The following PGGT1B variants were observed in gnomAD, a reference collection of about 807,000 sequenced individuals.
The protein encoded by PGGT1B is protein geranylgeranyltransferase type I subunit beta.
In PGGT1B, 30 loss-of-function variants were observed where a neutral mutation model predicts 46.1. That is an observed-to-expected ratio of 0.65 (90% CI 0.49 to 0.88). The LOEUF (loss-of-function observed/expected upper bound fraction) is 0.88, where lower values mean the gene tolerates loss of function less well. Among genes scored for constraint, PGGT1B ranks in the 40% least tolerant of loss-of-function variants. The pLI is 0.00. For missense variants in PGGT1B, 376 were observed against 455.9 expected (o/e 0.82, Z 1.60); for synonymous variants, 170 against 160.0 (o/e 1.06, Z -0.47).
intron 6 of PGGT1B, among the ~76,000 whole-genome samples, chr5:115,227,323 T>C (rs192227339): frequency 3.3e-5 from 5 of 152,332 alleles, no homozygotes; most frequent in Admixed American, 6.5e-5. Context: ...CTTCCCTGTA[T>C]GGTCAAAAGT....
rs543153690 is a variant in PGGT1B at position 115,262,817 on chromosome 5, C to T, written c.35G>A (p.Ser12Asn). The change falls in exon 1 of 9, where the codon AGC becomes AAC. Residue 12 changes from serine to asparagine, a missense_variant. Transcript: ENST00000419445. The stretch of plus-strand genomic sequence containing the variant: ...GAAATCCAGCCGCTCTCCCTCACCG[C>T]TCCCTGCTAGCCTCTCATCCTCAGT... ...AATEDERLAGSGEGERLDFLR... is the reference protein window; with the variant it reads ...AATEDERLAGNGEGERLDFLR... 2.5e-6 allele frequency: 4 copies of T among 1,612,674 alleles called. No homozygotes were observed. Among genetic ancestry groups the T allele is most frequent in the African/African-American group, 1.3e-5 (1 of 74,994 alleles).
chr5:115,246,946 T>C (rs1052991926), intron 2 of PGGT1B, among the ~76,000 whole-genome samples: 1 of 152,162 alleles, frequency 6.6e-6, no homozygotes, highest in African/African-American at 2.4e-5. Context: ...AATGGGAGTA[T>C]GTACATGGAT....
chr5:115,254,572 G>A (rs916248870), intron 1 of PGGT1B, among the ~76,000 whole-genome samples: 1 of 150,750 alleles, frequency 6.6e-6, no homozygotes, highest in African/African-American at 2.4e-5. Flanking sequence ...ACCAACTTTA[G>A]GAGAGATGAG....
rs899830970 is a variant in PGGT1B, at chr5:115,237,925, C to A, written c.412G>T (p.Asp138Tyr). Residue 138 changes from aspartate to tyrosine, a missense_variant, in exon 4 of 9, where the codon GAC (aspartate) becomes TAC (tyrosine). Coordinates refer to ENST00000419445, the MANE Select transcript of PGGT1B (RefSeq NM_005023.4). ...GLSCLVILGD[D>Y]LSRVNKEACL... ...GCTTCTTTATTTACTCGGCTTAAGTCGTCTCCAAGAATAACTAAGCATGAG... is the reference window on the plus strand; with the variant it reads ...GCTTCTTTATTTACTCGGCTTAAGTAGTCTCCAAGAATAACTAAGCATGAG... The A allele has an allele frequency of 6.2e-7, 1 of 1,612,188 alleles. No individual in the cohort carries two copies. Among genetic ancestry groups the A allele is most frequent in the Admixed American group, 1.7e-5 (1 of 59,986 alleles).
intron 1 of PGGT1B, among the ~76,000 whole-genome samples, chr5:115,257,885 A>G (rs1454396274): frequency 1.3e-5 from 2 of 152,260 alleles, no homozygotes; most frequent in East Asian, 3.8e-4. Flanking sequence ...ATGATACATT[A>G]GACTTAATCA....
intron 1 of PGGT1B, 153 bp downstream of exon 1, chr5:115,262,559 T>G (rs975316610): frequency 3.9e-6 from 3 of 762,758 alleles, no homozygotes; most frequent in South Asian, 1.9e-5. Flanking sequence ...GGCGGGAGAG[T>G]GGGGGTAACC....
At chr5:115,247,280 T>C (rs1340360034) in intron 2 of PGGT1B, among the ~76,000 whole-genome samples, 28 of 152,142 alleles carry the variant, frequency 1.8e-4, no homozygotes. Context: ...GGGGAGTTGC[T>C]TTTCATAAAA....
chr5:115,236,668 T>C, intron 4 of PGGT1B, 146 bp from the exon 5 acceptor site: 3 of 511,556 alleles, frequency 5.9e-6, no homozygotes, highest in East Asian at 3.5e-5. Context: ...TCTACTTTTA[T>C]TATTCAATAA....
intron 4 of PGGT1B, among the ~76,000 whole-genome samples, chr5:115,237,566 A>C (rs1172536392): frequency 6.6e-6 from 1 of 152,202 alleles, no homozygotes; most frequent in Non-Finnish European, 1.5e-5. Context: ...TTTTTCATCT[A>C]GAATGTAAAT....
intron 1 of PGGT1B, among the ~76,000 whole-genome samples, chr5:115,254,193 C>T (rs898163084): frequency 1.3e-5 from 2 of 152,018 alleles, no homozygotes; most frequent in Non-Finnish European, 2.9e-5. Flanking sequence ...AAATTTACTT[C>T]TCTCCTGTGC....
intron 2 of PGGT1B, among the ~76,000 whole-genome samples, chr5:115,249,570 TGGAGCAGGTAATCGGAATGAGTCAGGGA>T (rs1396470348): frequency 3.1e-3 from 474 of 151,874 alleles, no homozygotes; most frequent in Non-Finnish European, 3.3e-3. Flanking sequence ...TGAGTCAGGG[TGGAGCAGGTAATCGGAATGAGTCAGGGA>T]GGAGCAGGTA....
intron 8 of PGGT1B, among the ~76,000 whole-genome samples, chr5:115,213,333 C>G (rs1382818366): frequency 6.6e-6 from 1 of 152,178 alleles, no homozygotes; most frequent in Non-Finnish European, 1.5e-5. Flanking sequence ...AATCACATGG[C>G]CATTCCTGCC....
chr5:115,262,654 C>G, intron 1 of PGGT1B, 58 bp downstream of exon 1: 1 of 1,545,242 alleles, frequency 6.5e-7, no homozygotes. Flanking sequence ...GACTCCGCCG[C>G]GCCTTTCCGC....
At chr5:115,255,232 C>T (rs774293049) in intron 1 of PGGT1B, among the ~76,000 whole-genome samples, 1 of 152,122 alleles carries the variant, frequency 6.6e-6, no homozygotes, top group Non-Finnish European at 1.5e-5. Context: ...CACTACAGGC[C>T]TTTTCTATAG....
intron 6 of PGGT1B, among the ~76,000 whole-genome samples, chr5:115,225,616 A>G (rs980862942): frequency 6.6e-6 from 1 of 152,042 alleles, no homozygotes; most frequent in East Asian, 1.9e-4. Context: ...ACATCATTTT[A>G]CAATTAAACA....
At chr5:115,243,037 A>G (rs898758171) in intron 2 of PGGT1B, among the ~76,000 whole-genome samples, 4 of 152,210 alleles carry the variant, frequency 2.6e-5, no homozygotes, top group African/African-American at 9.6e-5. Context: ...GGACTTTTAA[A>G]TTGGTAAGCT....
intron 7 of PGGT1B, among the ~76,000 whole-genome samples, chr5:115,219,841 A>G (rs1436919519): frequency 6.6e-6 from 1 of 151,812 alleles, no homozygotes; most frequent in East Asian, 1.9e-4. Context: ...AAGACACTCA[A>G]TATCATTAGA....
chr5:115,241,473 A>C (rs1757342668), intron 3 of PGGT1B, 66 bp downstream of exon 3: 3 of 946,628 alleles, frequency 3.2e-6, no homozygotes, highest in Non-Finnish European at 4.7e-6. Context: ...GTAACTTCTT[A>C]GTTTTCTCTT....
At chr5:115,259,190 C>T (rs1748446822) in intron 1 of PGGT1B, among the ~76,000 whole-genome samples, 1 of 152,148 alleles carries the variant, frequency 6.6e-6, no homozygotes, top group African/African-American at 2.4e-5. Context: ...TTTGTTTCTC[C>T]TATAAGGCAA....
Sources: gnomAD v4.1 joint callset for allele counts (sites outside exome capture counted in the v4.1 genomes callset) on GRCh38, gnomAD v4.1.1 for gene constraint, MANE v1.5 for transcripts, NCBI Gene and HGNC (gene_info 2026-07-23, HGNC 2026-07-21) for gene names.